RC3H1: variants seen among roughly 807,000 people sequenced by gnomAD.
The protein encoded by RC3H1 is ring finger and CCCH-type domains 1.
A neutral mutation model predicts 138.2 loss-of-function variants in RC3H1; 50 were observed. The ratio of observed to expected loss-of-function variants is 0.36; its 90% CI spans 0.29 to 0.46. RC3H1 has a LOEUF of 0.46. RC3H1 is among the 20% of genes least tolerant of loss of function. The pLI is 1.00. For synonymous variants in RC3H1, 462 were observed against 489.1 expected (o/e 0.94, Z 0.73); for missense variants, 1,031 against 1,388.1 (o/e 0.74, Z 4.09).
intron 2 of RC3H1, among the ~76,000 whole-genome samples, chr1:173,992,321 A>G (rs920142132): frequency 6.6e-6 from 1 of 151,500 alleles, no homozygotes; most frequent in Non-Finnish European, 1.5e-5. Flanking sequence ...ATTTTTTTGT[A>G]TTTGTAGTAG....
chr1:173,984,709 G>T, intron 2 of RC3H1, 90 bp from the exon 3 acceptor site: 1 of 1,328,156 alleles, frequency 7.5e-7, no homozygotes, highest in Non-Finnish European at 1.0e-6. Context: ...GCTGACACTG[G>T]TAACATCAAA....
At chr1:173,994,551 C>G (rs1348893996) in intron 1 of RC3H1, among the ~76,000 whole-genome samples, 1 of 152,036 alleles carries the variant, frequency 6.6e-6, no homozygotes, top group African/African-American at 2.4e-5. Context: ...ATAATTCCAG[C>G]ACTTTCAGAG....
intron 1 of RC3H1, among the ~76,000 whole-genome samples, chr1:174,020,027 A>G (rs1055618757): frequency 1.3e-5 from 2 of 152,202 alleles, no homozygotes; most frequent in South Asian, 2.1e-4. Flanking sequence ...CTTACAACCT[A>G]TAAATTACTA....
chr1:173,965,645 T>C (rs1442342542), intron 9 of RC3H1, among the ~76,000 whole-genome samples: 1 of 152,196 alleles, frequency 6.6e-6, no homozygotes, highest in Non-Finnish European at 1.5e-5. Context: ...ATTTTTGCTA[T>C]AATATATTTC....
chr1:173,960,567 T>C (rs987075978), intron 13 of RC3H1, among the ~76,000 whole-genome samples: 25 of 152,222 alleles, frequency 1.6e-4, no homozygotes, highest in Non-Finnish European at 3.4e-4. Context: ...GTGGCTACCA[T>C]ACTGGACAGC....
intron 10 of RC3H1, 61 bp downstream of exon 10, chr1:173,964,776 TTC>T: frequency 1.4e-6 from 2 of 1,389,378 alleles, no homozygotes; most frequent in South Asian, 1.4e-5. Flanking sequence ...ACATTAATTA[TTC>T]TATCTTCCTT....
Position 173,983,669 on chromosome 1 carries a change from TA to T in RC3H1, c.353-13del. On this transcript the variant is annotated splice_polypyrimidine_tract_variant and intron_variant, in intron 3 of 19. Transcript: ENST00000367696. ...GTTCAGACCCACTCCTTTAAAAGAGTAAAGAAGTTATTCCTAGGTTCACAAT... is the reference window on the plus strand; with the variant it reads ...GTTCAGACCCACTCCTTTAAAAGAGTAAGAAGTTATTCCTAGGTTCACAAT... 1 of 1,611,472 alleles carries T rather than the reference TA, an allele frequency of 6.2e-7. No homozygotes were observed. The highest frequency in any genetic ancestry group is 1.3e-5 in the African/African-American group (1 of 74,948).
Position 173,962,058 on chromosome 1 carries a change from G to C in RC3H1, c.1869C>G (p.Arg623=). The part of the protein sequence containing the change: ...YYTPPPQCVS[R]FVRPPPSAPE... ...GAGCAGATGGTGGAGGTCGGACAAAGCGGGACACACATTGTGGTGGTGGAG... is the reference window on the plus strand; with the variant it reads ...GAGCAGATGGTGGAGGTCGGACAAACCGGGACACACATTGTGGTGGTGGAG... Residue 623 remains arginine, a synonymous_variant, in exon 12 of 20, where the codon CGC becomes CGG. Transcript: ENST00000367696. 2.5e-6 allele frequency: 4 copies of C among 1,613,988 alleles called. No individual in the cohort carries two copies. Among genetic ancestry groups the C allele is most frequent in the Non-Finnish European group, 3.4e-6 (4 of 1,179,966 alleles).
chr1:174,021,373 G>GC (rs1325724207), intron 1 of RC3H1, among the ~76,000 whole-genome samples: 3 of 152,182 alleles, frequency 2.0e-5, no homozygotes, highest in Non-Finnish European at 4.4e-5. Flanking sequence ...TGGGATGCGG[G>GC]CATAACTGAT....
chr1:174,021,470 T>C (rs1175360496), intron 1 of RC3H1, among the ~76,000 whole-genome samples: 5 of 151,994 alleles, frequency 3.3e-5, no homozygotes, highest in Non-Finnish European at 7.4e-5. Flanking sequence ...TTATATGTTT[T>C]TGTTGCATTT....
intron 5 of RC3H1, among the ~76,000 whole-genome samples, chr1:173,982,277 G>A (rs529631020): frequency 6.6e-6 from 1 of 151,946 alleles, no homozygotes; most frequent in East Asian, 2.0e-4. Context: ...TACTCGGGAG[G>A]CTGAGACAGG....
chr1:174,015,199 T>C (rs1661836911), intron 1 of RC3H1, among the ~76,000 whole-genome samples: 1 of 151,724 alleles, frequency 6.6e-6, no homozygotes, highest in South Asian at 2.1e-4. Context: ...TCTAAACCAA[T>C]ATGTTAGTGC....
At chr1:173,940,135 G>T (rs1330217702) in intron 19 of RC3H1, among the ~76,000 whole-genome samples, 1 of 152,124 alleles carries the variant, frequency 6.6e-6, no homozygotes, top group Admixed American at 6.5e-5. Context: ...GGAGTGCTGG[G>T]TTTGTAAAAC....
chr1:173,943,313 A>G lies in RC3H1; in HGVS notation c.3135+129T>C, dbSNP rs1042421472. On this transcript the variant is annotated intron_variant, in intron 18 of 19. Transcript: ENST00000367696. ...AATCGGAAGGTAGCCCACCTGCATG[A>G]GAATTATTTTAAATATTAACCACTC... 1.6e-4 allele frequency: 130 copies of G among 815,002 alleles called. No homozygotes were observed. In the East Asian group the frequency reaches 3.7e-3, roughly 23 times the overall value. 50.5% of individuals were successfully genotyped at this position (815,002 alleles called of 1,614,324 possible). A position where few individuals can be genotyped will look rare whatever the true frequency, so the allele number is the denominator to read the frequency against.
At chr1:173,960,914 T>C (rs748352626) in intron 13 of RC3H1, 163 bp downstream of exon 13, 3 of 655,082 alleles carry the variant, frequency 4.6e-6, no homozygotes, top group Non-Finnish European at 7.7e-6. Flanking sequence ...ATTACATACA[T>C]ACAAAAATCA....
intron 4 of RC3H1, chr1:173,983,144 A>G: frequency 2.1e-6 from 1 of 481,846 alleles, no homozygotes; most frequent in Non-Finnish European, 3.6e-6. Context: ...ATCAAAATGA[A>G]TGAACTTCCT....
chr1:173,940,829 T>C lies in RC3H1; in HGVS notation c.3251+436A>G, dbSNP rs536133146. ...CTCCAGATTTATGCAAAAATATTCT[T>C]TTTTTTTTTTTGAGACCGTGTCTCA... is the stretch of plus-strand genomic sequence containing the variant. On this transcript the variant is annotated intron_variant, in intron 19 of 19. Transcript: ENST00000367696. Among the ~76,000 whole-genome samples, 603 of 148,716 alleles carry C rather than the reference T, an allele frequency of 4.1e-3. 6 individuals are homozygous for C. The highest frequency in any genetic ancestry group is 0.012 in the African/African-American group (487 of 40,998).
intron 14 of RC3H1, among the ~76,000 whole-genome samples, chr1:173,950,639 TAGAG>T (rs1659354056): frequency 6.6e-6 from 1 of 151,922 alleles, no homozygotes; most frequent in South Asian, 2.1e-4. Flanking sequence ...AGAGATTACT[TAGAG>T]GGAATGAAAC....
At chr1:173,986,541 C>T (rs1432782576) in intron 2 of RC3H1, among the ~76,000 whole-genome samples, 2 of 151,918 alleles carry the variant, frequency 1.3e-5, no homozygotes, top group Non-Finnish European at 1.5e-5. Context: ...TGGCCTCCCT[C>T]TCTCCCTCCA....
Sources: gnomAD v4.1 joint callset for allele counts (sites outside exome capture counted in the v4.1 genomes callset) on GRCh38, gnomAD v4.1.1 for gene constraint, MANE v1.5 for transcripts, NCBI Gene and HGNC (gene_info 2026-07-23, HGNC 2026-07-21) for gene names.